The following NRXN1 variants were observed in gnomAD, a reference collection of about 807,000 sequenced individuals.
NRXN1 encodes the protein neurexin-1.
Under a neutral mutation model 150.9 loss-of-function variants are expected in NRXN1, and 39 were observed. That is an observed-to-expected ratio of 0.26 (90% CI 0.20 to 0.34). The LOEUF (loss-of-function observed/expected upper bound fraction) is 0.34. Ranked by LOEUF, NRXN1 falls within the 10% of genes least tolerant of loss-of-function variation. NRXN1 has a pLI of 1.00. For synonymous variants in NRXN1, 924 were observed against 757.0 expected (o/e 1.22, Z -3.62); for missense variants, 1,815 against 1,949.9 (o/e 0.93, Z 1.30).
At position 50,935,059 on chromosome 2, in the gene NRXN1, A is replaced by G. The variant is rs147487128; in HGVS notation, c.773-9104T>C. Reference sequence around the variant, plus strand: ...ATGCCCAATTAGATCATTTATCATTACTGTCTTTAAGTCTATGACCATTTT... The same window carrying G: ...ATGCCCAATTAGATCATTTATCATTGCTGTCTTTAAGTCTATGACCATTTT... On this transcript the variant is annotated intron_variant, in intron 2 of 22. Transcript: ENST00000401669. Among the ~76,000 whole-genome samples the G allele has an allele frequency of 4.1e-4, 63 of 152,268 alleles. No individual in the cohort carries two copies. The East Asian group carries it at 5.0e-3, about 12-fold the overall frequency.
chr2:50,554,406 T>C (rs1667938472), intron 8 of NRXN1: 1 of 152,190 alleles, frequency 6.6e-6, no homozygotes, highest in Non-Finnish European at 1.5e-5. Flanking sequence ...TAAGAGTACA[T>C]GCTCTGGTAT....
chr2:50,130,951 A>C (rs1229962605), intron 18 of NRXN1, among the ~76,000 whole-genome samples: 1 of 152,198 alleles, frequency 6.6e-6, no homozygotes, highest in East Asian at 1.9e-4. Context: ...TTTGACCAAA[A>C]ATATTTTTGC....
intron 18 of NRXN1, among the ~76,000 whole-genome samples, chr2:50,139,827 A>G (rs187049350): frequency 2.2e-3 from 332 of 152,306 alleles, no homozygotes; most frequent in African/African-American, 6.9e-3. Context: ...GTCATCAAGG[A>G]AAAAATATGA....
At chr2:49,966,680 T>C (rs866341978) in intron 21 of NRXN1, 1 of 152,216 alleles carries the variant, frequency 6.6e-6, no homozygotes, top group Middle Eastern at 3.4e-3. Flanking sequence ...TGTCTTCACA[T>C]AAATCAATTA....
chr2:50,294,622 T>TGG (rs2073347158), intron 17 of NRXN1, among the ~76,000 whole-genome samples: 1 of 151,728 alleles, frequency 6.6e-6, no homozygotes, highest in Non-Finnish European at 1.5e-5. Flanking sequence ...CAGCCTGGGG[T>TGG]GGAGAGGAGG....
chr2:50,785,534 C>T (rs936666702), intron 5 of NRXN1, among the ~76,000 whole-genome samples: 2 of 152,116 alleles, frequency 1.3e-5, no homozygotes, highest in Admixed American at 6.6e-5. Context: ...AGGCATGAGC[C>T]ACCGTGCCCA....
intron 17 of NRXN1, among the ~76,000 whole-genome samples, chr2:50,333,491 G>T (rs1036492346): frequency 6.6e-6 from 1 of 152,108 alleles, no homozygotes; most frequent in Non-Finnish European, 1.5e-5. Context: ...ATAGAAATCA[G>T]TAATGAAGGA....
At chr2:50,836,215 C>G (rs961305584) in intron 5 of NRXN1, among the ~76,000 whole-genome samples, 1 of 152,082 alleles carries the variant, frequency 6.6e-6, no homozygotes, top group Non-Finnish European at 1.5e-5. Flanking sequence ...TTTTAATCGA[C>G]AAATAATAAT....
intron 2 of NRXN1, among the ~76,000 whole-genome samples, chr2:50,983,775 T>C (rs994164256): frequency 6.6e-6 from 1 of 152,130 alleles, no homozygotes; most frequent in African/African-American, 2.4e-5. Flanking sequence ...GGATCTTGTC[T>C]ATGTAAACAA....
intron 21 of NRXN1, among the ~76,000 whole-genome samples, chr2:50,039,173 T>C (rs559049410): frequency 2.0e-5 from 3 of 151,796 alleles, no homozygotes; most frequent in Non-Finnish European, 2.9e-5. Flanking sequence ...CAAGACTCCA[T>C]CTCAAACAAA....
intron 5 of NRXN1, among the ~76,000 whole-genome samples, chr2:50,822,823 T>C (rs1423208549): frequency 6.6e-6 from 1 of 152,176 alleles, no homozygotes; most frequent in Non-Finnish European, 1.5e-5. Context: ...CAATCCAGCT[T>C]AAGCCCCTAT....
At chr2:50,878,883 T>C (rs1435361529) in intron 5 of NRXN1, among the ~76,000 whole-genome samples, 1 of 151,958 alleles carries the variant, frequency 6.6e-6, no homozygotes, top group Non-Finnish European at 1.5e-5. Flanking sequence ...AACAAGCACT[T>C]TAACAGTACT....
intron 17 of NRXN1, among the ~76,000 whole-genome samples, chr2:50,447,061 C>T (rs1054635767): frequency 6.6e-6 from 1 of 152,106 alleles, no homozygotes; most frequent in Non-Finnish European, 1.5e-5. Context: ...CTGCAACTGT[C>T]ATGTAGTGAG....
chr2:50,037,154 G>T (rs1690166413), intron 21 of NRXN1, among the ~76,000 whole-genome samples: 1 of 152,130 alleles, frequency 6.6e-6, no homozygotes, highest in South Asian at 2.1e-4. Flanking sequence ...TAAATTAATA[G>T]ATGAAATAGG....
At chr2:49,952,449 C>G (rs531665569) in intron 21 of NRXN1, among the ~76,000 whole-genome samples, 4 of 151,978 alleles carry the variant, frequency 2.6e-5, no homozygotes, top group Non-Finnish European at 4.4e-5. Flanking sequence ...TTTTAAAAAT[C>G]CAATTACAGA....
At chr2:50,553,513 T>C (rs973666103) in intron 8 of NRXN1, among the ~76,000 whole-genome samples, 2 of 152,224 alleles carry the variant, frequency 1.3e-5, no homozygotes, top group Non-Finnish European at 2.9e-5. Context: ...ATTATCTATA[T>C]ATCTGCTGTG....
At chr2:50,578,815 G>C (rs1671819106) in intron 8 of NRXN1, among the ~76,000 whole-genome samples, 1 of 152,020 alleles carries the variant, frequency 6.6e-6, no homozygotes, top group Non-Finnish European at 1.5e-5. Context: ...AGACAGGCAT[G>C]AGATATAAAT....
chr2:50,738,358 T>G (rs10174285), intron 5 of NRXN1, among the ~76,000 whole-genome samples: 2,312 of 152,290 alleles, frequency 0.015, 43 homozygotes, highest in Non-Finnish European at 0.023. Flanking sequence ...GTATTCCAAA[T>G]TTAAAAAGCA....
intron 2 of NRXN1, among the ~76,000 whole-genome samples, chr2:51,004,496 A>T (rs1700457660): frequency 6.6e-6 from 1 of 151,968 alleles, no homozygotes; most frequent in South Asian, 2.1e-4. Context: ...GCTTTATGGA[A>T]GTAACTTTAA....
Sources: allele counts gnomAD v4.1 joint callset (sites outside exome capture counted in the v4.1 genomes callset), GRCh38; gene constraint gnomAD v4.1.1; transcripts MANE v1.5; gene names NCBI Gene and HGNC (gene_info 2026-07-23, HGNC 2026-07-21).